Variants in INO80 observed in about 807,000 individuals in gnomAD.
INO80 encodes the protein chromatin-remodeling ATPase INO80.
In INO80, 20 loss-of-function variants were observed where a neutral mutation model predicts 203.4. That is an observed-to-expected ratio of 0.10 (90% CI 0.07 to 0.14). INO80 has a LOEUF of 0.14. INO80 is among the 10% of genes least tolerant of loss of function. INO80 has a pLI of 1.00. For missense variants in INO80, 1,419 were observed against 1,914.4 expected, an observed-to-expected ratio of 0.74 and a Z score of 4.83; for synonymous variants, 726 against 685.2, an observed-to-expected ratio of 1.06 and a Z score of -0.93.
chr15:41,082,873 G>A (rs578063681), intron 7 of INO80, among the ~76,000 whole-genome samples: 2 of 151,862 alleles, frequency 1.3e-5, no homozygotes, highest in Non-Finnish European at 2.9e-5. Flanking sequence ...AACAGAACAA[G>A]ACCCTATCTC....
At chr15:41,065,841 G>A (rs2045200791) in intron 14 of INO80, among the ~76,000 whole-genome samples, 1 of 152,184 alleles carries the variant, frequency 6.6e-6, no homozygotes, top group Non-Finnish European at 1.5e-5. Flanking sequence ...CAAATTTGTG[G>A]TTGCCAGAGG....
intron 31 of INO80, 52 bp downstream of exon 31, chr15:40,987,039 T>C: frequency 9.4e-7 from 1 of 1,059,186 alleles, no homozygotes; most frequent in South Asian, 1.3e-5. Context: ...GCCAAGTACC[T>C]CTTCCATTCT....
At chr15:41,026,309 T>C (rs551104534) in intron 25 of INO80, among the ~76,000 whole-genome samples, 63 of 152,180 alleles carry the variant, frequency 4.1e-4, no homozygotes, top group African/African-American at 1.5e-3. Flanking sequence ...TCCCAGCACT[T>C]TGGGAGGCCA....
At chr15:41,112,717 G>A (rs1445801932) in intron 1 of INO80, among the ~76,000 whole-genome samples, 1 of 147,582 alleles carries the variant, frequency 6.8e-6, no homozygotes, top group African/African-American at 2.5e-5. Flanking sequence ...GAACCCGGGA[G>A]GCAGAGGGTG....
At chr15:40,987,051 A>G in intron 31 of INO80, 40 bp downstream of exon 31, 2 of 1,165,336 alleles carry the variant, frequency 1.7e-6, no homozygotes, top group Non-Finnish European at 2.6e-6. Flanking sequence ...TTCCATTCTC[A>G]GATACGTGAG....
chr15:41,043,181 G>A (rs114140436), intron 24 of INO80, among the ~76,000 whole-genome samples: 19 of 152,252 alleles, frequency 1.2e-4, no homozygotes, highest in Non-Finnish European at 2.2e-4. Flanking sequence ...TATCTCTAGC[G>A]TTAAGAAAAA....
At chr15:41,062,392 A>G (rs1226867739) in intron 14 of INO80, among the ~76,000 whole-genome samples, 1 of 152,138 alleles carries the variant, frequency 6.6e-6, no homozygotes, top group African/African-American at 2.4e-5. Flanking sequence ...ACCTGAGGCC[A>G]GGAGTTCAAG....
rs1202857319 is a variant in INO80 at position 41,053,586 on chromosome 15, TAAAC to T, written c.2274+339_2274+342del. 2.6e-5 allele frequency among the ~76,000 whole-genome samples: 4 copies of T among 152,222 alleles called. No homozygotes were observed. The East Asian group carries it at 5.8e-4, about 22-fold the overall frequency. On this transcript the variant is annotated intron_variant, in intron 19 of 35. Transcript: ENST00000648947. ...TAGAAATATACATGAAAATACTTCATAAACAAATATTCATTTATAAAACATCTGG... is the reference window on the plus strand; with the variant it reads ...TAGAAATATACATGAAAATACTTCATAAATATTCATTTATAAAACATCTGG...
chr15:40,997,844 T>G, intron 28 of INO80: 1 of 392,260 alleles, frequency 2.5e-6, no homozygotes, highest in South Asian at 2.7e-5. Flanking sequence ...AGATGACTGA[T>G]AGGCAACACA....
At position 41,048,247 on chromosome 15, in the gene INO80, G is replaced by T. The variant is rs1386056098; in HGVS notation, c.2606C>A (p.Pro869Gln). ...RWLRVLSPFA[P>Q]DYIQRSLFHR... ...AAAGAGAGACCGTTGGATATAGTCT[G>T]GTGCAAATGGAGAAAGAACCCTTAA... Residue 869 changes from proline (P) to glutamine (Q), a missense_variant, in exon 22 of 36, where the codon CCA becomes CAA. This residue lies in a region of INO80 where 302 missense variants were observed against 345.4 expected (regional missense o/e 0.87). Transcript: ENST00000648947. 1 of 1,613,144 alleles carries T rather than the reference G, an allele frequency of 6.2e-7. No homozygotes were observed. Among genetic ancestry groups the T allele is most frequent in the Admixed American group, 1.7e-5 (1 of 59,980 alleles).
chr15:41,081,887 A>G (rs187116288), intron 7 of INO80, among the ~76,000 whole-genome samples: 1 of 152,276 alleles, frequency 6.6e-6, no homozygotes, highest in African/African-American at 2.4e-5. Context: ...CTTTTATAAA[A>G]AAAAAACTCT....
At chr15:40,996,187 G>A (rs2043878739) in intron 29 of INO80, among the ~76,000 whole-genome samples, 2 of 152,112 alleles carry the variant, frequency 1.3e-5, no homozygotes, top group Non-Finnish European at 2.9e-5. Context: ...GAGGCACCAC[G>A]ATAGTTACAT....
At chr15:41,009,148 A>G (rs2044095388) in intron 27 of INO80, among the ~76,000 whole-genome samples, 1 of 152,176 alleles carries the variant, frequency 6.6e-6, no homozygotes, top group Non-Finnish European at 1.5e-5. Flanking sequence ...GCGTTTTAAT[A>G]ACATTTGATT....
intron 28 of INO80, 186 bp from the exon 29 acceptor site, chr15:40,997,787 T>C: frequency 2.1e-6 from 1 of 473,238 alleles, no homozygotes. Context: ...CAACCAAACA[T>C]GGAGGTCATC....
At chr15:41,023,270 T>C (rs968530162) in intron 25 of INO80, 1 of 455,860 alleles carries the variant, frequency 2.2e-6, no homozygotes, top group Non-Finnish European at 4.4e-6. Context: ...CTCTCCCTTC[T>C]ATGACTTGAC....
At position 41,115,938 on chromosome 15, in the gene INO80, C is replaced by T. The variant is rs189723853; in HGVS notation, c.-44+35G>A. On this transcript the variant is annotated intron_variant, in intron 1 of 35. Coordinates refer to ENST00000648947, the MANE Select transcript of INO80 (RefSeq NM_017553.3). ...GGCGCAACAAGACCTACACAACCCCCACTCCGTTCGCCCGCCCACGTCTAG... is the reference window on the plus strand; with the variant it reads ...GGCGCAACAAGACCTACACAACCCCTACTCCGTTCGCCCGCCCACGTCTAG... 1.2e-3 allele frequency: 443 copies of T among 384,586 alleles called. 7 individuals carry two copies. In the Admixed American group the frequency reaches 0.016, roughly 14 times the overall value. 23.8% of individuals were successfully genotyped at this position (384,586 alleles called of 1,614,324 possible).
At chr15:41,063,757 G>T (rs764574095) in intron 14 of INO80, among the ~76,000 whole-genome samples, 5 of 152,064 alleles carry the variant, frequency 3.3e-5, no homozygotes, top group Non-Finnish European at 7.4e-5. Context: ...GCGACAGATA[G>T]ACTCCGTCTC....
At chr15:41,063,879 T>A (rs2140568884) in intron 14 of INO80, among the ~76,000 whole-genome samples, 3 of 151,808 alleles carry the variant, frequency 2.0e-5, no homozygotes, top group African/African-American at 7.2e-5. Flanking sequence ...CAGAAAAAAA[T>A]TAAAGAAAAA....
In INO80 at chr15:41,096,162, A is replaced by G. The variant is rs369827932; in HGVS notation, c.143+6T>C. The stretch of plus-strand genomic sequence containing the variant: ...TAAAACATATTGCAAAGATACAATA[A>G]CATACCTAGAAATATTCCTATTGAA... On this transcript the variant is annotated splice_donor_region_variant and intron_variant, in intron 2 of 35. Transcript: ENST00000648947. 1.8e-5 allele frequency: 29 copies of G among 1,598,738 alleles called. No homozygotes were observed. The highest frequency in any genetic ancestry group is 2.4e-5 in the Non-Finnish European group (28 of 1,175,372).
Sources: allele counts gnomAD v4.1 joint callset (sites outside exome capture counted in the v4.1 genomes callset), GRCh38; gene constraint gnomAD v4.1.1; regional missense constraint gnomAD v4.1.1; transcripts MANE v1.5; gene names NCBI Gene and HGNC (gene_info 2026-07-23, HGNC 2026-07-21).